TTLL11: variants seen among roughly 807,000 people sequenced by gnomAD.
TTLL11 encodes the protein tubulin tyrosine ligase like 11.
Under a neutral mutation model 51.7 loss-of-function variants are expected in TTLL11, and 42 were observed. That is an observed-to-expected ratio of 0.81 (90% confidence interval 0.64 to 1.05). TTLL11 has a LOEUF of 1.05. Among genes scored for constraint, TTLL11 ranks in the 50% least tolerant of loss-of-function variants. The pLI is 0.00. For synonymous variants in TTLL11, 381 were observed against 383.5 expected, an observed-to-expected ratio of 0.99 and a Z score of 0.08; for missense variants, 799 against 940.4, an observed-to-expected ratio of 0.85 and a Z score of 1.97.
intron 6 of TTLL11, among the ~76,000 whole-genome samples, chr9:121,973,143 C>A (rs1251332966): frequency 1.3e-5 from 2 of 152,256 alleles, no homozygotes; most frequent in Middle Eastern, 3.4e-3. Context: ...GTGAAATATT[C>A]ATTTCTGGGG....
chr9:122,027,258 A>G (rs1321595585), intron 3 of TTLL11, among the ~76,000 whole-genome samples: 1 of 152,050 alleles, frequency 6.6e-6, no homozygotes, highest in Non-Finnish European at 1.5e-5. Flanking sequence ...TGATCCAATC[A>G]CCTCCCACCA....
At chr9:121,973,506 G>A (rs187588924) in intron 6 of TTLL11, among the ~76,000 whole-genome samples, 9 of 151,156 alleles carry the variant, frequency 6.0e-5, no homozygotes, top group South Asian at 2.1e-4. Flanking sequence ...GAGATATTCC[G>A]TATGGAATTC....
intron 8 of TTLL11, among the ~76,000 whole-genome samples, chr9:121,826,491 A>ATG (rs1836783843): frequency 3.1e-5 from 2 of 65,016 alleles, no homozygotes; most frequent in African/African-American, 7.0e-5. Flanking sequence ...GTATATATAT[A>ATG]TATGTGTGTG....
intron 6 of TTLL11, among the ~76,000 whole-genome samples, chr9:121,926,816 A>T (rs1840753418): frequency 6.6e-6 from 1 of 152,122 alleles, no homozygotes; most frequent in South Asian, 2.1e-4. Context: ...TAAAACAGAA[A>T]ATCATAGCTG....
At chr9:121,865,963 G>A (rs1214930903) in intron 7 of TTLL11, among the ~76,000 whole-genome samples, 1 of 152,194 alleles carries the variant, frequency 6.6e-6, no homozygotes, top group African/African-American at 2.4e-5. Flanking sequence ...GATGGACACT[G>A]GAAATAAATT....
At chr9:122,000,312 A>T (rs1843421473) in intron 3 of TTLL11, among the ~76,000 whole-genome samples, 1 of 151,960 alleles carries the variant, frequency 6.6e-6, no homozygotes, top group Middle Eastern at 3.2e-3. Context: ...TCTACTAAAA[A>T]TACAAAAATA....
chr9:122,016,300 A>G (rs893129339), intron 3 of TTLL11, among the ~76,000 whole-genome samples: 5 of 152,150 alleles, frequency 3.3e-5, no homozygotes, highest in African/African-American at 4.8e-5. Flanking sequence ...CCCAGGAGGA[A>G]GAGTTCAGAA....
At chr9:122,042,483 T>C (rs1356622663) in intron 1 of TTLL11, among the ~76,000 whole-genome samples, 1 of 152,194 alleles carries the variant, frequency 6.6e-6, no homozygotes, top group Non-Finnish European at 1.5e-5. Context: ...AAATGCAAAA[T>C]GGTAAAGCCA....
intron 6 of TTLL11, among the ~76,000 whole-genome samples, chr9:121,932,611 A>G (rs1841033090): frequency 6.6e-6 from 1 of 152,230 alleles, no homozygotes; most frequent in Non-Finnish European, 1.5e-5. Context: ...GCTATTACAA[A>G]GGCTTTCTTA....
At chr9:122,022,581 T>TAA (rs1844213531) in intron 3 of TTLL11, among the ~76,000 whole-genome samples, 1 of 151,648 alleles carries the variant, frequency 6.6e-6, no homozygotes, top group Admixed American at 6.6e-5. Context: ...TCAAGAAATA[T>TAA]AAAAGTTGAG....
intron 8 of TTLL11, among the ~76,000 whole-genome samples, chr9:121,845,177 T>C (rs1211746509): frequency 3.3e-5 from 5 of 152,006 alleles, no homozygotes; most frequent in Non-Finnish European, 7.4e-5. Context: ...TTAGGTAAGG[T>C]ATATATAATG....
chr9:121,969,118 C>A (rs1842489735), intron 6 of TTLL11, among the ~76,000 whole-genome samples: 1 of 152,216 alleles, frequency 6.6e-6, no homozygotes, highest in Admixed American at 6.5e-5. Context: ...AATCCGCCCA[C>A]CTTGGCCTCC....
At position 121,989,200 on chromosome 9, in the gene TTLL11, A is replaced by C; in HGVS notation, c.1264T>G (p.Phe422Val). 6.2e-7 allele frequency: 1 copy of C among 1,613,596 alleles called. No individual in the cohort carries two copies. Among genetic ancestry groups the C allele is most frequent in the Non-Finnish European group, 8.5e-7 (1 of 1,179,578 alleles). The part of the protein sequence containing the change: ...IPTGRPGPTC[F>V]QILGFDILLM... ...TGGGAACTGGCAATGGTTACCTGGA[A>C]GCACGTGGGGCCCGGCCTCCCCGTG... The change falls in exon 4 of 9, where the codon TTC becomes GTC. Residue 422 changes from phenylalanine to valine, a missense_variant. Around this residue, in one of 3 missense-constraint regions of TTLL11, gnomAD observed 468 missense variants for 612.8 expected, o/e 0.76. Coordinates refer to ENST00000321582, the MANE Select transcript of TTLL11 (RefSeq NM_001139442.2). This position sits in a 1 kb window ranked among gnomAD's most constrained non-coding sequence, Gnocchi z 4.2.
At chr9:121,998,059 C>T (rs991175801) in intron 3 of TTLL11, among the ~76,000 whole-genome samples, 22 of 152,308 alleles carry the variant, frequency 1.4e-4, no homozygotes, top group African/African-American at 5.1e-4. Context: ...TGAGTAAGCT[C>T]CCCTTGCAGC....
At chr9:121,964,285 C>CTTTTTTTTCGTT (rs143673197) in intron 6 of TTLL11, among the ~76,000 whole-genome samples, 1 of 150,796 alleles carries the variant, frequency 6.6e-6, no homozygotes, top group African/African-American at 2.5e-5. Flanking sequence ...ATTTCTTTTC[C>CTTTTTTTTCGTT]TTTTTTTTGT....
chr9:122,086,634 T>C (rs1159842514), intron 1 of TTLL11, among the ~76,000 whole-genome samples: 1 of 152,196 alleles, frequency 6.6e-6, no homozygotes, highest in Non-Finnish European at 1.5e-5. Flanking sequence ...AGGAATTGCA[T>C]CTCCCCTGTG....
At chr9:121,898,346 G>A (rs1414796408) in intron 6 of TTLL11, among the ~76,000 whole-genome samples, 2 of 152,274 alleles carry the variant, frequency 1.3e-5, no homozygotes, top group Admixed American at 1.3e-4. Flanking sequence ...TGAGGGGCCA[G>A]GAGGCACTGC....
At chr9:121,954,722 G>C (rs958597346) in intron 6 of TTLL11, among the ~76,000 whole-genome samples, 4 of 149,548 alleles carry the variant, frequency 2.7e-5, no homozygotes, top group African/African-American at 5.0e-5. Flanking sequence ...ACATACTCCA[G>C]ATGATAAACA....
intron 1 of TTLL11, among the ~76,000 whole-genome samples, chr9:122,041,115 C>T (rs1227836499): frequency 6.6e-6 from 1 of 152,246 alleles, no homozygotes; most frequent in East Asian, 1.9e-4. Context: ...ACCAAATTGC[C>T]CCCCCTTTTA....
Sources: gnomAD v4.1 joint callset for allele counts (sites outside exome capture counted in the v4.1 genomes callset) on GRCh38, gnomAD v4.1.1 for gene constraint, gnomAD v4.1.1 regional missense constraint, Gnocchi (gnomAD v3.1) non-coding constraint, MANE v1.5 for transcripts, NCBI Gene and HGNC (gene_info 2026-07-23, HGNC 2026-07-21) for gene names.